NOL4: variants seen among roughly 807,000 people sequenced by gnomAD.
NOL4 encodes the protein nucleolar protein 4.
A neutral mutation model predicts 75.9 loss-of-function variants in NOL4; 17 were observed. The ratio of observed to expected loss-of-function variants is 0.22; its 90% CI spans 0.15 to 0.34. The LOEUF (loss-of-function observed/expected upper bound fraction) is 0.34, where lower values mean the gene tolerates loss of function less well. NOL4 is among the 10% of genes least tolerant of loss of function. NOL4 has a pLI of 1.00. For synonymous variants in NOL4, 292 were observed against 289.9 expected (o/e 1.01, Z -0.07); for missense variants, 614 against 793.5 (o/e 0.77, Z 2.72).
At chr18:34,171,215 T>C (rs1310626706) in intron 1 of NOL4, among the ~76,000 whole-genome samples, 2 of 152,294 alleles carry the variant, frequency 1.3e-5, no homozygotes, top group African/African-American at 2.4e-5. Flanking sequence ...GTTTATGTTA[T>C]GAAATGTGAT....
At chr18:34,032,472 C>G (rs2075686006) in intron 5 of NOL4, among the ~76,000 whole-genome samples, 1 of 152,150 alleles carries the variant, frequency 6.6e-6, no homozygotes, top group South Asian at 2.1e-4. Flanking sequence ...AGTCCACCAC[C>G]ACTGCACATG....
intron 6 of NOL4, among the ~76,000 whole-genome samples, chr18:33,969,948 G>A (rs547196543): frequency 6.6e-6 from 1 of 152,204 alleles, no homozygotes; most frequent in Non-Finnish European, 1.5e-5. Flanking sequence ...TGTTTTTCAA[G>A]ATATTGTCTG....
chr18:34,048,037 A>G (rs2076460999), intron 5 of NOL4, among the ~76,000 whole-genome samples: 1 of 152,142 alleles, frequency 6.6e-6, no homozygotes, highest in Non-Finnish European at 1.5e-5. Flanking sequence ...ACATTTACAA[A>G]CCTAAAATGA....
At chr18:33,907,671 A>T (rs928671383) in intron 9 of NOL4, among the ~76,000 whole-genome samples, 1 of 152,160 alleles carries the variant, frequency 6.6e-6, no homozygotes, top group Non-Finnish European at 1.5e-5. Flanking sequence ...CAAGGCTAGC[A>T]TCTGCATAAT....
intron 5 of NOL4, among the ~76,000 whole-genome samples, chr18:34,081,273 G>C (rs1336992521): frequency 6.6e-6 from 1 of 152,078 alleles, no homozygotes; most frequent in Non-Finnish European, 1.5e-5. Flanking sequence ...TTCTTTTGAA[G>C]TTTGGCATTT....
chr18:33,897,007 GA>G (rs1481517190), intron 9 of NOL4, among the ~76,000 whole-genome samples: 1 of 151,694 alleles, frequency 6.6e-6, no homozygotes, highest in African/African-American at 2.4e-5. Flanking sequence ...GTAAGCATAC[GA>G]AAAAAAAGCT....
At chr18:34,115,860 A>C (rs1184535849) in intron 2 of NOL4, among the ~76,000 whole-genome samples, 1 of 152,130 alleles carries the variant, frequency 6.6e-6, no homozygotes, top group African/African-American at 2.4e-5. Context: ...CACCCCAGAC[A>C]ATGAGGCCAT....
At chr18:33,945,712 GA>G (rs35566879) in intron 8 of NOL4, among the ~76,000 whole-genome samples, 1 of 151,540 alleles carries the variant, frequency 6.6e-6, no homozygotes, top group Non-Finnish European at 1.5e-5. Context: ...CTATTGAGTG[GA>G]AAAAATAAGT....
At chr18:34,070,691 C>T (rs2077477083) in intron 5 of NOL4, among the ~76,000 whole-genome samples, 1 of 151,994 alleles carries the variant, frequency 6.6e-6, no homozygotes, top group Non-Finnish European at 1.5e-5. Context: ...CTAGTAGAAG[C>T]TGCACTATAA....
At chr18:33,892,956 C>A (rs2065185719) in intron 9 of NOL4, among the ~76,000 whole-genome samples, 1 of 152,018 alleles carries the variant, frequency 6.6e-6, no homozygotes, top group South Asian at 2.1e-4. Context: ...AGCCACTGCA[C>A]CCATCCAGAA....
intron 5 of NOL4, among the ~76,000 whole-genome samples, chr18:34,070,340 TAA>T (rs1188142297): frequency 6.6e-6 from 1 of 152,210 alleles, no homozygotes; most frequent in East Asian, 1.9e-4. Context: ...TTTTACACTA[TAA>T]AGTTTCACCA....
chr18:33,962,834 A>G (rs1051208554), intron 6 of NOL4, among the ~76,000 whole-genome samples: 9 of 152,220 alleles, frequency 5.9e-5, no homozygotes, highest in South Asian at 2.1e-4. Context: ...AATTCATTCA[A>G]TGCAGCTGTT....
chr18:33,853,557 C>T (rs747494191), intron 10 of NOL4, among the ~76,000 whole-genome samples: 18 of 152,134 alleles, frequency 1.2e-4, no homozygotes, highest in Admixed American at 3.3e-4. Flanking sequence ...AGTTTGACAA[C>T]GTTTAAGTGG....
In NOL4 at chr18:33,958,590, T is replaced by G. The variant is rs558516963; in HGVS notation, c.1057-172A>C. Reference sequence around the variant, plus strand: ...AATTAATTCAAATTAAATTAAAATTTCATTTCCTTGGTCACGTCACACTAG... The same window carrying G: ...AATTAATTCAAATTAAATTAAAATTGCATTTCCTTGGTCACGTCACACTAG... On this transcript the variant is annotated intron_variant, in intron 6 of 10. Transcript: ENST00000261592. 1.3e-3 allele frequency among the ~76,000 whole-genome samples: 205 copies of G among 152,310 alleles called. 1 individual carries two copies. Among genetic ancestry groups the G allele is most frequent in the African/African-American group, 4.7e-3 (194 of 41,582 alleles).
At chr18:33,960,035 A>G (rs1404677835) in intron 6 of NOL4, among the ~76,000 whole-genome samples, 3 of 152,096 alleles carry the variant, frequency 2.0e-5, no homozygotes, top group African/African-American at 4.8e-5. Flanking sequence ...TTTAAACAAA[A>G]TATTTTATAA....
chr18:34,000,600 C>CTGTAATTGG (rs2073626867), intron 6 of NOL4, among the ~76,000 whole-genome samples: 1 of 152,110 alleles, frequency 6.6e-6, no homozygotes, highest in Admixed American at 6.6e-5. Flanking sequence ...AGATTTGCAA[C>CTGTAATTGG]TGTAATTGGA....
intron 9 of NOL4, among the ~76,000 whole-genome samples, chr18:33,924,445 A>G (rs1292588119): frequency 6.6e-6 from 1 of 152,142 alleles, no homozygotes; most frequent in Non-Finnish European, 1.5e-5. Context: ...GTACCTCTCT[A>G]TTGGGCCATC....
intron 1 of NOL4, among the ~76,000 whole-genome samples, chr18:34,149,545 A>G (rs1267317517): frequency 6.6e-6 from 1 of 151,660 alleles, no homozygotes; most frequent in Non-Finnish European, 1.5e-5. Context: ...TAGTGTTTTA[A>G]TAGGAAGTAA....
At chr18:34,059,831 T>C (rs960357540) in intron 5 of NOL4, among the ~76,000 whole-genome samples, 11 of 152,078 alleles carry the variant, frequency 7.2e-5, no homozygotes, top group Non-Finnish European at 1.0e-4. Context: ...AGAGACCATG[T>C]AGGGAGAGGT....
Sources: gnomAD v4.1 joint callset for allele counts (sites outside exome capture counted in the v4.1 genomes callset) on GRCh38, gnomAD v4.1.1 for gene constraint, MANE v1.5 for transcripts, NCBI Gene and HGNC (gene_info 2026-07-23, HGNC 2026-07-21) for gene names.